The following ZNF577 variants were observed in gnomAD, a reference collection of about 807,000 sequenced individuals.
The protein encoded by ZNF577 is zinc finger protein 577.
ZNF577 carries 14 observed loss-of-function variants against 13.9 expected under a neutral mutation model. The observed-to-expected ratio is 1.00, with a 90% CI of 0.66 to 1.57. The LOEUF is 1.57. ZNF577 is among the 40% of genes most tolerant of loss of function. The pLI is 0.00. For missense variants in ZNF577, 555 were observed against 579.2 expected (o/e 0.96, Z 0.43); for synonymous variants, 203 against 202.9 (o/e 1.00, Z 0.00).
chr19:51,810,772 G>A (rs1485651184), intron 10 of ZNF577, among the ~76,000 whole-genome samples: 4 of 152,160 alleles, frequency 2.6e-5, no homozygotes, highest in Non-Finnish European at 5.9e-5. Flanking sequence ...GGCTCTGTAT[G>A]CCATTATTTA....
intron 5 of ZNF577, among the ~76,000 whole-genome samples, chr19:51,854,270 G>T (rs1049465420): frequency 6.6e-6 from 1 of 151,974 alleles, no homozygotes; most frequent in African/African-American, 2.4e-5. Flanking sequence ...GGAAGGACCA[G>T]GTTTCTGTTT....
intron 5 of ZNF577, among the ~76,000 whole-genome samples, chr19:51,852,791 CAT>C (rs569533809): frequency 2.6e-4 from 40 of 152,318 alleles, no homozygotes; most frequent in Admixed American, 1.2e-3. Context: ...GTTCCCATCA[CAT>C]GTTAAAATGT....
At chr19:51,809,148 G>T (rs2084080706) in intron 10 of ZNF577, among the ~76,000 whole-genome samples, 2 of 152,142 alleles carry the variant, frequency 1.3e-5, no homozygotes, top group Admixed American at 1.3e-4. Flanking sequence ...GTTTTCATTT[G>T]TAAGTCTCAT....
intron 9 of ZNF577, among the ~76,000 whole-genome samples, chr19:51,813,119 AACACACACACACACAC>A (rs35245083): frequency 2.9e-5 from 4 of 137,122 alleles, no homozygotes; most frequent in South Asian, 2.4e-4. Flanking sequence ...GCTCTGTCTC[AACACACACACACACAC>A]ACACACACAC....
At chr19:51,814,834 C>T (rs2084122804) in intron 9 of ZNF577, among the ~76,000 whole-genome samples, 1 of 150,838 alleles carries the variant, frequency 6.6e-6, no homozygotes, top group Admixed American at 6.6e-5. Context: ...GTTTGAGACA[C>T]AGTCTCACTC....
intron 3 of ZNF577, among the ~76,000 whole-genome samples, chr19:51,879,694 T>C (rs931025677): frequency 6.6e-6 from 1 of 152,122 alleles, no homozygotes; most frequent in Non-Finnish European, 1.5e-5. Context: ...AGGAACTAGA[T>C]AGAGACCCAA....
rs770091960 is a variant in ZNF577 at position 51,872,559 on chromosome 19, C to T, written c.1431G>A (p.Leu477=). Residue 477 remains leucine (L), a synonymous_variant, in exon 6 of 6, where the codon TTG becomes TTA. Coordinates refer to ENST00000638348, the MANE Select transcript of ZNF577 (RefSeq NM_001370449.1). ...NVAPSVINYI[L]YLTDIVSE ...ATTCTGATACAATATCTGTAAGATA[C>T]AAGATATAATTTATTACTGATGGGG... 4 of 1,600,834 alleles carry T rather than the reference C, an allele frequency of 2.5e-6. No homozygotes were observed. In the South Asian group the frequency reaches 3.4e-5, roughly 14 times the overall value.
rs975361321 is a variant in ZNF577 at position 51,871,838 on chromosome 19, G to C, written c.*694C>G. ...AAGGGCAAAGAAAGACGCTCCCCTAGAGCCTCCAAAAAGAAAAGCAGCCCT... is the reference window on the plus strand; with the variant it reads ...AAGGGCAAAGAAAGACGCTCCCCTACAGCCTCCAAAAAGAAAAGCAGCCCT... On this transcript the variant is annotated 3_prime_UTR_variant, in exon 6 of 6. Coordinates refer to ENST00000638348, the MANE Select transcript of ZNF577 (RefSeq NM_001370449.1). The C allele has an allele frequency of 6.6e-6, 1 of 152,110 alleles. No individual in the cohort carries two copies. Among genetic ancestry groups the C allele is most frequent in the Non-Finnish European group, 1.5e-5 (1 of 68,032 alleles). The allele number at this position is 152,110 out of a possible 1,614,324, so 9.4% of individuals were successfully genotyped here.
Position 51,872,470 on chromosome 19 carries a change from TG to T in ZNF577, c.*61del. ...GTGTTTCAGCCCTAAATGAGCTCTC[TG>T]GGATATAATGGCTGGAGGATTCCTA... On this transcript the variant is annotated 3_prime_UTR_variant, in exon 6 of 6. Transcript: ENST00000638348. The T allele has an allele frequency of 7.3e-7, 1 of 1,371,586 alleles. No homozygotes were observed. Among genetic ancestry groups the T allele is most frequent in the Non-Finnish European group, 9.7e-7 (1 of 1,027,688 alleles). 85.0% of individuals were successfully genotyped at this position (1,371,586 alleles called of 1,614,324 possible).
intron 9 of ZNF577, among the ~76,000 whole-genome samples, chr19:51,828,964 C>T (rs1180586760): frequency 6.6e-6 from 1 of 152,050 alleles, no homozygotes; most frequent in Admixed American, 6.5e-5. Context: ...CTAATCAGGC[C>T]CCTGGTGACA....
chr19:51,873,904 C>T (rs1235302438), intron 5 of ZNF577, among the ~76,000 whole-genome samples, 198 bp from the exon 6 acceptor site: 7 of 152,214 alleles, frequency 4.6e-5, no homozygotes, highest in Admixed American at 3.9e-4. Context: ...TAGGAAAAAG[C>T]ACAATATGAA....
chr19:51,875,015 C>A (rs545838389), intron 5 of ZNF577, among the ~76,000 whole-genome samples: 93 of 152,116 alleles, frequency 6.1e-4, no homozygotes, highest in African/African-American at 2.1e-3. Flanking sequence ...AACACACACA[C>A]AAAACAATAT....
intron 9 of ZNF577, among the ~76,000 whole-genome samples, chr19:51,832,936 C>G (rs1292512787): frequency 1.3e-5 from 2 of 152,166 alleles, no homozygotes; most frequent in Non-Finnish European, 2.9e-5. Flanking sequence ...AGCTTAATAG[C>G]AAGTCTTGAC....
At chr19:51,845,852 G>A (rs978892384) in intron 5 of ZNF577, among the ~76,000 whole-genome samples, 19 of 152,020 alleles carry the variant, frequency 1.2e-4, no homozygotes, top group Non-Finnish European at 1.9e-4. Flanking sequence ...TATATGCCAC[G>A]TTTTCTTCAT....
intron 9 of ZNF577, among the ~76,000 whole-genome samples, chr19:51,829,394 A>G (rs1003909636): frequency 6.8e-6 from 1 of 148,118 alleles, no homozygotes; most frequent in Non-Finnish European, 1.5e-5. Flanking sequence ...CTGTGCACAG[A>G]TGATTAAATA....
At chr19:51,849,581 T>C (rs1222902943) in intron 5 of ZNF577, among the ~76,000 whole-genome samples, 1 of 152,232 alleles carries the variant, frequency 6.6e-6, no homozygotes, top group Admixed American at 6.5e-5. Flanking sequence ...TGTGAGCAAC[T>C]ACATTTCTGT....
chr19:51,882,928 T>C (rs1165703815), intron 1 of ZNF577, among the ~76,000 whole-genome samples: 1 of 152,080 alleles, frequency 6.6e-6, no homozygotes, highest in African/African-American at 2.4e-5. Context: ...CCATATGATG[T>C]CCTACCTTTG....
intron 5 of ZNF577, among the ~76,000 whole-genome samples, chr19:51,857,323 AAAG>A (rs1048472904): frequency 2.0e-5 from 3 of 150,158 alleles, no homozygotes; most frequent in Non-Finnish European, 3.0e-5. Flanking sequence ...AAGGAAAAGA[AAAG>A]GAGAAAGGAG....
At chr19:51,842,282 C>T (rs1304580043) in intron 8 of ZNF577, among the ~76,000 whole-genome samples, 1 of 152,176 alleles carries the variant, frequency 6.6e-6, no homozygotes, top group Non-Finnish European at 1.5e-5. Context: ...TCCCCCAAAA[C>T]TCATCTGCTA....
Sources: gnomAD v4.1 joint callset for allele counts (sites outside exome capture counted in the v4.1 genomes callset) on GRCh38, gnomAD v4.1.1 for gene constraint, MANE v1.5 for transcripts, NCBI Gene and HGNC (gene_info 2026-07-23, HGNC 2026-07-21) for gene names.